Variants in TMEM117 observed in about 807,000 individuals in gnomAD.
The protein encoded by TMEM117 is transmembrane protein 117.
A neutral mutation model predicts 52.4 loss-of-function variants in TMEM117; 27 were observed. The ratio of observed to expected loss-of-function variants is 0.51; its 90% CI spans 0.38 to 0.71. TMEM117 has a LOEUF of 0.71. Among genes scored for constraint, TMEM117 ranks in the 30% least tolerant of loss-of-function variants. TMEM117 has a pLI of 0.00. For missense variants in TMEM117, 556 were observed against 630.5 expected (o/e 0.88, Z 1.26); for synonymous variants, 215 against 206.3 (o/e 1.04, Z -0.36).
At chr12:43,824,519 G>A in the TMEM117 span, among the ~76,000 whole-genome samples, 23 of 152,324 alleles carry the variant, frequency 1.5e-4, no homozygotes, top group Admixed American at 9.1e-4. Flanking sequence ...AGCAGATAAG[G>A]TGGAGCCTGT....
At chr12:43,825,868 A>G in the TMEM117 span, among the ~76,000 whole-genome samples, 1 of 152,174 alleles carries the variant, frequency 6.6e-6, no homozygotes, top group Non-Finnish European at 1.5e-5. Flanking sequence ...TTTGAGAAAC[A>G]CTGACTCATA....
rs1654219248 is a variant in TMEM117 at position 44,191,353 on chromosome 12, ATCTATCTGTCTGTCTGTCTGTCTG to A, written c.511-19933_511-19910del. On this transcript the variant is annotated intron_variant, in intron 4 of 7. Coordinates refer to ENST00000266534, the MANE Select transcript of TMEM117 (RefSeq NM_032256.3). ...GGTCACAGCCAAACCATGTCTATCTATCTATCTGTCTGTCTGTCTGTCTGTCTGTCTGTCTATCTATGTATCAAT... is the reference window on the plus strand; with the variant it reads ...GGTCACAGCCAAACCATGTCTATCTATCTGTCTGTCTATCTATGTATCAAT... 2.6e-5 allele frequency among the ~76,000 whole-genome samples: 4 copies of A among 151,934 alleles called. No homozygotes were observed. In the South Asian group the frequency reaches 8.4e-4, roughly 32 times the overall value.
At chr12:44,154,425 G>A (rs1349427802) in intron 4 of TMEM117, among the ~76,000 whole-genome samples, 1 of 152,024 alleles carries the variant, frequency 6.6e-6, no homozygotes, top group Non-Finnish European at 1.5e-5. Flanking sequence ...GAGTGAGAGT[G>A]AGATGAAACA....
intron 3 of TMEM117, chr12:44,073,527 C>G (rs1195521464): frequency 1.3e-5 from 2 of 152,204 alleles, no homozygotes; most frequent in Non-Finnish European, 2.9e-5. Context: ...TCCAACTGCT[C>G]TCAAGGAGAC....
At chr12:44,301,536 G>C (rs1001590095) in intron 6 of TMEM117, among the ~76,000 whole-genome samples, 1 of 152,084 alleles carries the variant, frequency 6.6e-6, no homozygotes, top group Non-Finnish European at 1.5e-5. Flanking sequence ...GCAATAACCC[G>C]GCCAAGCTAA....
the TMEM117 span, among the ~76,000 whole-genome samples, chr12:43,825,925 T>C: frequency 6.6e-6 from 1 of 152,248 alleles, no homozygotes; most frequent in Non-Finnish European, 1.5e-5. Context: ...CCTAGTTTCT[T>C]GCCTGAGTTG....
intron 3 of TMEM117, among the ~76,000 whole-genome samples, chr12:43,965,207 A>G (rs1945465348): frequency 6.6e-6 from 1 of 152,216 alleles, no homozygotes; most frequent in Admixed American, 6.5e-5. Flanking sequence ...GCTGAAGGCA[A>G]AGGATGAGGT....
rs34809494 is a variant in TMEM117, at chr12:44,026,618, T to C, written c.410+82276T>C. Among the ~76,000 whole-genome samples, 8 of 152,308 alleles carry C rather than the reference T, an allele frequency of 5.3e-5. No homozygotes were observed. In the East Asian group the frequency reaches 1.2e-3, roughly 22 times the overall value. On this transcript the variant is annotated intron_variant, in intron 3 of 7. Transcript: ENST00000266534. The stretch of plus-strand genomic sequence containing the variant: ...TACTTGTTTCTTTATCTTTCTGTTA[T>C]ACTTATGAGAGTAGGACTGGAACAC...
In TMEM117 at chr12:44,143,594, C is replaced by T; in HGVS notation, c.480C>T (p.Thr160=). Residue 160 remains threonine, a synonymous_variant, in exon 4 of 8, where the codon ACC becomes ACT. Transcript: ENST00000266534. ...ESFMKLAAVG[T]WMGDFVTAWM... ...TCATGAAATTAGCTGCAGTAGGGAC[C>T]TGGATGGGGGACTTTGTCACAGCTT... The T allele has an allele frequency of 6.2e-7, 1 of 1,613,822 alleles. No individual in the cohort carries two copies. The highest frequency in any genetic ancestry group is 8.5e-7 in the Non-Finnish European group (1 of 1,179,876).
At chr12:44,189,228 C>T (rs1297314176) in intron 4 of TMEM117, among the ~76,000 whole-genome samples, 1 of 152,150 alleles carries the variant, frequency 6.6e-6, no homozygotes, top group East Asian at 1.9e-4. Flanking sequence ...CCAATATCCA[C>T]ATCATTGCCA....
intron 2 of TMEM117, among the ~76,000 whole-genome samples, chr12:43,854,016 A>G (rs778748116): frequency 3.9e-5 from 6 of 152,280 alleles, no homozygotes; most frequent in Non-Finnish European, 5.9e-5. Flanking sequence ...ACTGAGAACA[A>G]TTTATGTTAG....
At chr12:44,203,244 C>A (rs7297563) in intron 4 of TMEM117, among the ~76,000 whole-genome samples, 39,621 of 152,002 alleles carry the variant, frequency 0.26, 9,162 homozygotes, top group African/African-American at 0.63. Context: ...TAATTTTTAT[C>A]CATAGAAATG....
chr12:44,054,670 T>G (rs1173096088), intron 3 of TMEM117, among the ~76,000 whole-genome samples: 1 of 152,164 alleles, frequency 6.6e-6, no homozygotes, highest in African/African-American at 2.4e-5. Context: ...TATGTGACAA[T>G]GATACTTTCC....
intron 6 of TMEM117, among the ~76,000 whole-genome samples, chr12:44,326,159 C>A (rs1380427893): frequency 2.0e-5 from 3 of 151,998 alleles, no homozygotes; most frequent in African/African-American, 7.3e-5. Context: ...CAGAGTGAGA[C>A]CCTGGTTTTG....
chr12:43,889,997 G>C (rs1944073443), intron 2 of TMEM117, among the ~76,000 whole-genome samples: 1 of 152,154 alleles, frequency 6.6e-6, no homozygotes, highest in African/African-American at 2.4e-5. Flanking sequence ...GAGTAGGCCT[G>C]AGTGGGATGA....
chr12:43,967,425 A>G (rs2137680071), intron 3 of TMEM117, among the ~76,000 whole-genome samples: 1 of 152,050 alleles, frequency 6.6e-6, no homozygotes, highest in South Asian at 2.1e-4. Flanking sequence ...ACCCAGCCAC[A>G]TGTTACTTCT....
chr12:43,958,258 G>A (rs1056876533), intron 3 of TMEM117, among the ~76,000 whole-genome samples: 1 of 152,146 alleles, frequency 6.6e-6, no homozygotes, highest in Non-Finnish European at 1.5e-5. Context: ...CTAGCACTGA[G>A]GGAATTAGAC....
chr12:44,034,309 G>C (rs1428987674), intron 3 of TMEM117, among the ~76,000 whole-genome samples: 2 of 152,166 alleles, frequency 1.3e-5, no homozygotes, highest in Admixed American at 6.5e-5. Context: ...TATGAAAAAA[G>C]AGAGATGTAA....
intron 4 of TMEM117, among the ~76,000 whole-genome samples, chr12:44,185,704 C>G (rs924997381): frequency 6.6e-6 from 1 of 152,100 alleles, no homozygotes; most frequent in Non-Finnish European, 1.5e-5. Flanking sequence ...ATAGCACTGA[C>G]TTAGTGGTGC....
Sources: allele counts gnomAD v4.1 joint callset (sites outside exome capture counted in the v4.1 genomes callset), GRCh38; gene constraint gnomAD v4.1.1; transcripts MANE v1.5; gene names NCBI Gene and HGNC (gene_info 2026-07-23, HGNC 2026-07-21).